ANO2: variants seen among roughly 807,000 people sequenced by gnomAD.
ANO2 encodes the protein anoctamin 2.
ANO2 carries 101 observed loss-of-function variants against 124.2 expected under a neutral mutation model. That is an observed-to-expected ratio of 0.81 (90% CI 0.69 to 0.96). The LOEUF (loss-of-function observed/expected upper bound fraction) is 0.96, where lower values mean the gene tolerates loss of function less well. Among genes scored for constraint, ANO2 ranks in the 40% least tolerant of loss-of-function variants. The probability of loss-of-function intolerance (pLI) is 0.00; values close to 1 mark genes in which losing one functional copy is unlikely to be tolerated. For missense variants in ANO2, 1,293 were observed against 1,274.5 expected, an observed-to-expected ratio of 1.01 and a Z score of -0.22; for synonymous variants, 486 against 482.5, an observed-to-expected ratio of 1.01 and a Z score of -0.09.
chr12:5,567,676 A>G (rs1266071844), intron 23 of ANO2, among the ~76,000 whole-genome samples: 2 of 152,238 alleles, frequency 1.3e-5, no homozygotes, highest in Non-Finnish European at 2.9e-5. Flanking sequence ...GTCTGAAAAG[A>G]ATCCATAAAT....
intron 23 of ANO2, among the ~76,000 whole-genome samples, chr12:5,570,459 T>TAA (rs11376409): frequency 7.4e-5 from 11 of 148,216 alleles, no homozygotes; most frequent in East Asian, 2.0e-4. Context: ...ACCTGAAGTT[T>TAA]AAAAAAAAAA....
intron 4 of ANO2, among the ~76,000 whole-genome samples, chr12:5,848,577 T>G (rs1380385544): frequency 6.6e-6 from 1 of 152,216 alleles, no homozygotes; most frequent in Non-Finnish European, 1.5e-5. Flanking sequence ...CTCTGCCTCC[T>G]GCACCACGGG....
At chr12:5,610,754 A>ATATATATATATATATATATATATATT (rs1414746179) in intron 19 of ANO2, among the ~76,000 whole-genome samples, 1 of 142,556 alleles carries the variant, frequency 7.0e-6, no homozygotes, top group African/African-American at 2.6e-5. Context: ...GAAAATAAAT[A>ATATATATATATATATATATATATATT]ACATGGAAAA....
chr12:5,685,547 G>T (rs1037790741), intron 14 of ANO2, among the ~76,000 whole-genome samples: 1 of 152,232 alleles, frequency 6.6e-6, no homozygotes, highest in Non-Finnish European at 1.5e-5. Flanking sequence ...CATTTGGGAG[G>T]CAGAGGCTGG....
chr12:5,869,602 G>A (rs1422048915), intron 3 of ANO2, among the ~76,000 whole-genome samples: 1 of 152,104 alleles, frequency 6.6e-6, no homozygotes, highest in African/African-American at 2.4e-5. Context: ...CTCATGCATG[G>A]CACCCCTCAG....
At chr12:5,842,922 G>C (rs1954564002) in intron 4 of ANO2, among the ~76,000 whole-genome samples, 1 of 151,858 alleles carries the variant, frequency 6.6e-6, no homozygotes, top group South Asian at 2.1e-4. Flanking sequence ...AAAACAAAAT[G>C]AATAAAAAGC....
chr12:5,787,392 C>T lies in ANO2; in HGVS notation c.1055+12115G>A, dbSNP rs1952568778. Among the ~76,000 whole-genome samples the T allele has an allele frequency of 1.3e-5, 2 of 152,164 alleles. No individual in the cohort carries two copies. The highest frequency in any genetic ancestry group is 2.9e-5 in the Non-Finnish European group (2 of 68,032). The stretch of plus-strand genomic sequence containing the variant: ...TGACCTGGCTCCCCACAAGCATCTC[C>T]GCTACAGAGCTGAAGCTCCAGCATC... On this transcript the variant is annotated intron_variant, in intron 10 of 24. Transcript: ENST00000682330. The surrounding 1 kb of genome is among the most constrained non-coding windows in gnomAD (Gnocchi z 4.2).
chr12:5,921,136 T>C lies in ANO2; in HGVS notation c.438A>G (p.Gly146=), dbSNP rs3741902. The C allele has an allele frequency of 0.19, 300,985 of 1,613,760 alleles. 29,115 individuals are homozygous for C. The highest frequency in any genetic ancestry group is 0.21 in the South Asian group (18,920 of 91,058). Residue 146 remains glycine (G), a synonymous_variant, in exon 3 of 25, where the codon GGA becomes GGG. Transcript: ENST00000682330. ...HAGGPGDIEL[G]PLDALEEERK... Reference sequence around the variant, plus strand: ...TCTCCTCCTCCAGGGCATCGAGCGGTCCCAGCTCAATGTCACCTGGGCCCC... The same window carrying C: ...TCTCCTCCTCCAGGGCATCGAGCGGCCCCAGCTCAATGTCACCTGGGCCCC...
intron 14 of ANO2, among the ~76,000 whole-genome samples, chr12:5,721,018 A>G (rs1342392685): frequency 1.3e-5 from 2 of 152,194 alleles, no homozygotes; most frequent in Non-Finnish European, 2.9e-5. Context: ...GGAGATGTTT[A>G]TGGACGCATT....
chr12:5,563,647 C>T, intron 24 of ANO2, 79 bp from the exon 25 acceptor site: 2 of 1,555,120 alleles, frequency 1.3e-6, no homozygotes, highest in Non-Finnish European at 1.7e-6. Context: ...CAGAATGCCT[C>T]TGTGTCAATC....
intron 14 of ANO2, among the ~76,000 whole-genome samples, chr12:5,666,872 C>T (rs1240179808): frequency 3.4e-5 from 5 of 147,870 alleles, no homozygotes; most frequent in South Asian, 2.2e-4. Context: ...AATCTTCTAA[C>T]GAGATCTATG....
In ANO2 at chr12:5,578,429, G is replaced by A; in HGVS notation, c.2323C>T (p.Leu775Phe). Residue 775 changes from leucine to phenylalanine, a missense_variant, in exon 21 of 25, where the codon CTC (leucine) becomes TTC (phenylalanine). By Grantham distance (22) the Leu-to-Phe change is conservative. Coordinates refer to ENST00000682330, the MANE Select transcript of ANO2 (RefSeq NM_001364791.2). ...ALLNNVIEVRLDAKKFVTELR... is the reference protein window; with the variant it reads ...ALLNNVIEVRFDAKKFVTELR... ...TCTGTAACAAACTTCTTTGCATCGA[G>A]CCGCACTTCAATGACGTTGTTGAGG... is the stretch of plus-strand genomic sequence containing the variant. The A allele has an allele frequency of 1.2e-6, 2 of 1,613,992 alleles. No homozygotes were observed. Among genetic ancestry groups the A allele is most frequent in the Non-Finnish European group, 8.5e-7 (1 of 1,179,874 alleles).
intron 10 of ANO2, among the ~76,000 whole-genome samples, chr12:5,753,019 T>A (rs992862060): frequency 2.0e-5 from 3 of 152,184 alleles, no homozygotes; most frequent in African/African-American, 7.2e-5. Flanking sequence ...GAACACAAGG[T>A]ATACTTTGTA....
intron 14 of ANO2, among the ~76,000 whole-genome samples, chr12:5,700,770 C>A (rs889256491): frequency 3.3e-5 from 5 of 152,146 alleles, no homozygotes; most frequent in Non-Finnish European, 7.3e-5. Context: ...AGACTGCTGG[C>A]CTCAAGTGAT....
chr12:5,768,033 C>T (rs769504107), intron 10 of ANO2, among the ~76,000 whole-genome samples: 1 of 152,150 alleles, frequency 6.6e-6, no homozygotes, highest in African/African-American at 2.4e-5. Context: ...GAGATGTGTC[C>T]CTCACCCTTC....
At chr12:5,578,103 G>A (rs1301223706) in intron 21 of ANO2, 96 bp from the exon 22 acceptor site, 40 of 1,457,160 alleles carry the variant, frequency 2.7e-5, no homozygotes, top group East Asian at 9.1e-5. Context: ...GGTGAACTAC[G>A]GAGCAGCTTT....
intron 7 of ANO2, among the ~76,000 whole-genome samples, chr12:5,823,666 T>G (rs1408546387): frequency 6.6e-6 from 1 of 152,198 alleles, no homozygotes; most frequent in African/African-American, 2.4e-5. Context: ...GTGGATCTAC[T>G]ATTCTGGGTT....
chr12:5,667,373 C>A (rs1250397594), intron 14 of ANO2, among the ~76,000 whole-genome samples: 2 of 151,982 alleles, frequency 1.3e-5, no homozygotes, highest in African/African-American at 4.8e-5. Context: ...GTAGATGGCA[C>A]CTCTCCTGGT....
rs1942040221 is a variant in ANO2 at position 5,925,471 on chromosome 12, C to T, written c.23-2667G>A. Among the ~76,000 whole-genome samples the T allele has an allele frequency of 6.6e-6, 1 of 152,218 alleles. No homozygotes were observed. Among genetic ancestry groups the T allele is most frequent in the Non-Finnish European group, 1.5e-5 (1 of 68,038 alleles). The stretch of plus-strand genomic sequence containing the variant: ...CACGGTTCAGCCATCCCAGCCGTCC[C>T]AGCTCTGGAGAGGCACTCCAGGCAA... On this transcript the variant is annotated intron_variant, in intron 1 of 24. Transcript: ENST00000682330. The surrounding 1 kb of genome is among the most constrained non-coding windows in gnomAD (Gnocchi z 4.6).
Sources: gnomAD v4.1 joint callset for allele counts (sites outside exome capture counted in the v4.1 genomes callset) on GRCh38, gnomAD v4.1.1 for gene constraint, Gnocchi (gnomAD v3.1) non-coding constraint, MANE v1.5 for transcripts, NCBI Gene and HGNC (gene_info 2026-07-23, HGNC 2026-07-21) for gene names.